Variants in PBX3 observed in about 807,000 individuals in gnomAD.
PBX3 encodes the protein pre-B-cell leukemia transcription factor 3.
PBX3 carries 14 observed loss-of-function variants against 48.5 expected under a neutral mutation model. The observed-to-expected ratio is 0.29, with a 90% CI of 0.19 to 0.45. PBX3 has a LOEUF of 0.45. Ranked by LOEUF, PBX3 falls within the 20% of genes least tolerant of loss-of-function variation. PBX3 has a pLI of 1.00. For synonymous variants in PBX3, 210 were observed against 200.3 expected (o/e 1.05, Z -0.41); for missense variants, 386 against 546.7 (o/e 0.71, Z 2.93).
At chr9:125,889,749 C>G (rs902924994) in intron 2 of PBX3, among the ~76,000 whole-genome samples, 1 of 150,760 alleles carries the variant, frequency 6.6e-6, no homozygotes, top group African/African-American at 2.4e-5. Flanking sequence ...GGCGGGGGCG[C>G]GCCGCGGCGG....
chr9:125,835,448 A>G (rs1839104918), intron 2 of PBX3, among the ~76,000 whole-genome samples: 3 of 152,074 alleles, frequency 2.0e-5, no homozygotes, highest in African/African-American at 7.2e-5. Context: ...AATGGGAGAA[A>G]GTATTTGCAA....
chr9:125,909,121 G>A (rs907530224), intron 2 of PBX3, among the ~76,000 whole-genome samples: 4 of 152,040 alleles, frequency 2.6e-5, no homozygotes, highest in African/African-American at 7.2e-5. Context: ...TCTTCTTTCC[G>A]CATTTTTATT....
At chr9:125,846,138 A>G (rs1839421934) in intron 2 of PBX3, among the ~76,000 whole-genome samples, 1 of 152,106 alleles carries the variant, frequency 6.6e-6, no homozygotes, top group Non-Finnish European at 1.5e-5. Context: ...TCATCTACTC[A>G]TGTTTTAATT....
In PBX3 at chr9:125,823,497, A is replaced by G. The variant is rs185272333; in HGVS notation, c.274+74874A>G. 3.9e-5 allele frequency among the ~76,000 whole-genome samples: 6 copies of G among 152,244 alleles called. No homozygotes were observed. In the East Asian group the frequency reaches 1.2e-3, roughly 29 times the overall value. ...TTAAAAGACTGAATTTAACATATAT[A>G]ATGTTAATATGGTCCTTTTTAAGGA... On this transcript the variant is annotated intron_variant, in intron 2 of 8. Transcript: ENST00000373489.
intron 2 of PBX3, among the ~76,000 whole-genome samples, chr9:125,803,733 ACT>A (rs898074965): frequency 1.2e-4 from 19 of 152,132 alleles, no homozygotes; most frequent in African/African-American, 4.1e-4. Context: ...TTTGATGACT[ACT>A]CTCGTTTATT....
At chr9:125,916,463 C>T (rs1320927154) in intron 3 of PBX3, among the ~76,000 whole-genome samples, 3 of 152,064 alleles carry the variant, frequency 2.0e-5, no homozygotes, top group African/African-American at 7.3e-5. Flanking sequence ...TATGGGTACC[C>T]CAGGACAGGG....
chr9:125,950,596 C>G (rs1842174377), intron 5 of PBX3, among the ~76,000 whole-genome samples: 1 of 152,022 alleles, frequency 6.6e-6, no homozygotes, highest in Non-Finnish European at 1.5e-5. Flanking sequence ...GTTCTCCTGC[C>G]TCAGCCTCCT....
intron 2 of PBX3, among the ~76,000 whole-genome samples, chr9:125,882,025 A>C (rs899910774): frequency 6.6e-6 from 1 of 151,934 alleles, no homozygotes; most frequent in Non-Finnish European, 1.5e-5. Flanking sequence ...ACATAATGAG[A>C]CTTCATCTCT....
At chr9:125,756,357 T>C (rs1648712348) in intron 2 of PBX3, among the ~76,000 whole-genome samples, 1 of 152,116 alleles carries the variant, frequency 6.6e-6, no homozygotes, top group Admixed American at 6.5e-5. Flanking sequence ...TGGGGAGAAA[T>C]ACATGAATGA....
intron 2 of PBX3, among the ~76,000 whole-genome samples, chr9:125,879,115 TC>T (rs1840322715): frequency 6.8e-6 from 1 of 146,096 alleles, no homozygotes; most frequent in Non-Finnish European, 1.5e-5. Flanking sequence ...TCTCACTCTG[TC>T]GCCCAGGCTG....
At chr9:125,948,523 A>G (rs1028104131) in intron 5 of PBX3, among the ~76,000 whole-genome samples, 1 of 152,218 alleles carries the variant, frequency 6.6e-6, no homozygotes, top group Non-Finnish European at 1.5e-5. Context: ...AGAAATCACA[A>G]TAGAAATTAG....
intron 2 of PBX3, among the ~76,000 whole-genome samples, chr9:125,846,205 A>G (rs1441221380): frequency 2.0e-5 from 3 of 152,082 alleles, no homozygotes; most frequent in African/African-American, 2.4e-5. Flanking sequence ...AAACACAGTT[A>G]TAAATGCTCA....
rs1564681272 is a variant in PBX3, at chr9:125,835,051, A to AAAAAAAAT, written c.275-80635_275-80634insAAAAAAAT. Among the ~76,000 whole-genome samples the AAAAAAAAT allele has an allele frequency of 1.4e-4, 15 of 108,060 alleles. 5 individuals are homozygous for AAAAAAAAT. Among genetic ancestry groups the AAAAAAAAT allele is most frequent in the African/African-American group, 5.3e-4 (14 of 26,366 alleles). 70.9% of individuals were successfully genotyped at this position (108,060 alleles called of 152,430 possible). A position where few individuals can be genotyped will look rare whatever the true frequency, so the allele number is the denominator to read the frequency against. ...AAAAAAAAAAAAAAAAAAAAAAAAA[A>AAAAAAAAT]GGGCAAAAGATATGAAAAGACAAGT... On this transcript the variant is annotated intron_variant, in intron 2 of 8. Coordinates refer to ENST00000373489, the MANE Select transcript of PBX3 (RefSeq NM_006195.6).
At chr9:125,886,474 G>A (rs529737892) in intron 2 of PBX3, among the ~76,000 whole-genome samples, 4 of 152,168 alleles carry the variant, frequency 2.6e-5, no homozygotes, top group East Asian at 1.9e-4. Flanking sequence ...TTGACATCCC[G>A]AATGGTAAAT....
chr9:125,747,704 C>G (rs1588110848), intron 1 of PBX3, 51 bp downstream of exon 1: 1 of 1,412,150 alleles, frequency 7.1e-7, no homozygotes, highest in East Asian at 3.0e-5. Flanking sequence ...GAGCCGGGCC[C>G]GCGGCCGAGT....
rs1839348380 is a variant in PBX3 at position 125,843,685 on chromosome 9, A to G, written c.275-72001A>G. The G allele has an allele frequency of 8.3e-6, 3 of 360,264 alleles. No individual in the cohort carries two copies. In the Admixed American group the frequency reaches 8.9e-5, roughly 11 times the overall value. The allele number at this position is 360,264 out of a possible 1,614,324, so 22.3% of individuals were successfully genotyped here. A position where few individuals can be genotyped will look rare whatever the true frequency, so the allele number is the denominator to read the frequency against. On this transcript the variant is annotated intron_variant, in intron 2 of 8. Transcript: ENST00000373489. ...CACCAGAGAACTTTTAAAAATAAGT[A>G]ATGGAATTCCGTCTCTGTTATGCTT... is the stretch of plus-strand genomic sequence containing the variant.
intron 5 of PBX3, chr9:125,949,499 G>A: frequency 6.5e-7 from 1 of 1,549,702 alleles, no homozygotes; most frequent in Non-Finnish European, 8.7e-7. Context: ...GGGTGTGTCT[G>A]TTCTTAGTCT....
intron 2 of PBX3, among the ~76,000 whole-genome samples, chr9:125,871,047 G>A (rs1840109894): frequency 6.6e-6 from 1 of 152,074 alleles, no homozygotes; most frequent in Non-Finnish European, 1.5e-5. Context: ...AAACTCACAT[G>A]TATACCAGAG....
At chr9:125,956,275 G>A (rs1048875155) in intron 5 of PBX3, among the ~76,000 whole-genome samples, 17 of 152,106 alleles carry the variant, frequency 1.1e-4, no homozygotes, top group Admixed American at 2.6e-4. Context: ...ATTTGAAACC[G>A]GATTCTGAGT....
Sources: gnomAD v4.1 joint callset for allele counts (sites outside exome capture counted in the v4.1 genomes callset) on GRCh38, gnomAD v4.1.1 for gene constraint, MANE v1.5 for transcripts, NCBI Gene and HGNC (gene_info 2026-07-23, HGNC 2026-07-21) for gene names.